Variants in MACROD2 observed in about 807,000 individuals in gnomAD.
The protein encoded by MACROD2 is mono-ADP ribosylhydrolase 2.
A neutral mutation model predicts 70.4 loss-of-function variants in MACROD2; 36 were observed. That is an observed-to-expected ratio of 0.51 (90% CI 0.39 to 0.68). The LOEUF is 0.68. Ranked by LOEUF, MACROD2 falls within the 30% of genes least tolerant of loss-of-function variation. The pLI, the probability that MACROD2 is intolerant of heterozygous loss-of-function variation, is 0.00. For missense variants in MACROD2, 496 were observed against 538.4 expected, an observed-to-expected ratio of 0.92 and a Z score of 0.78; for synonymous variants, 172 against 178.8, an observed-to-expected ratio of 0.96 and a Z score of 0.30.
At chr20:14,701,398 C>A (rs1223544064) in intron 5 of MACROD2, among the ~76,000 whole-genome samples, 1 of 152,148 alleles carries the variant, frequency 6.6e-6, no homozygotes, top group Non-Finnish European at 1.5e-5. Context: ...ATTTATACTT[C>A]TAAAAAAGGA....
intron 10 of MACROD2, among the ~76,000 whole-genome samples, chr20:15,920,205 C>T (rs1315371592): frequency 6.6e-6 from 1 of 152,132 alleles, no homozygotes; most frequent in Non-Finnish European, 1.5e-5. Context: ...GATCTGAAAT[C>T]ACAAAATATA....
intron 3 of MACROD2, among the ~76,000 whole-genome samples, chr20:14,271,887 G>A (rs1187819967): frequency 2.0e-5 from 3 of 152,220 alleles, no homozygotes; most frequent in Non-Finnish European, 2.9e-5. Context: ...TGGAAGAAAG[G>A]GTATCAGTGA....
intron 3 of MACROD2, among the ~76,000 whole-genome samples, chr20:14,148,371 T>A (rs2054968975): frequency 6.6e-6 from 1 of 152,212 alleles, no homozygotes; most frequent in Non-Finnish European, 1.5e-5. Context: ...TCTTACCATA[T>A]TTAATAAATT....
chr20:14,350,956 C>A (rs2083117686), intron 3 of MACROD2, among the ~76,000 whole-genome samples: 1 of 152,154 alleles, frequency 6.6e-6, no homozygotes, highest in Non-Finnish European at 1.5e-5. Flanking sequence ...AAGTTTAATT[C>A]TTTTGCATAT....
rs570898129 is a variant in MACROD2, at chr20:15,826,688, T to C, written c.646-36057T>C. 4.3e-4 allele frequency among the ~76,000 whole-genome samples: 66 copies of C among 152,334 alleles called. 1 individual carries two copies. The highest frequency in any genetic ancestry group is 1.5e-3 in the African/African-American group (64 of 41,590). ...TCACAAAGGTGTTTAGTATAATGCGTTATAAATTATATGAGTGCAAAATAT... is the reference window on the plus strand; with the variant it reads ...TCACAAAGGTGTTTAGTATAATGCGCTATAAATTATATGAGTGCAAAATAT... On this transcript the variant is annotated intron_variant, in intron 8 of 17. Transcript: ENST00000684519.
chr20:15,476,685 G>C (rs1184348397), intron 7 of MACROD2, among the ~76,000 whole-genome samples: 1 of 152,064 alleles, frequency 6.6e-6, no homozygotes, highest in Admixed American at 6.6e-5. Context: ...CATTCAATTG[G>C]ATTGCTGCAT....
At chr20:14,522,108 C>A (rs1421030255) in intron 4 of MACROD2, among the ~76,000 whole-genome samples, 2 of 152,188 alleles carry the variant, frequency 1.3e-5, no homozygotes, top group Non-Finnish European at 2.9e-5. Context: ...CTAATCCGAG[C>A]AGCTCTTCTT....
At chr20:15,882,015 T>TC (rs1238414302) in intron 9 of MACROD2, among the ~76,000 whole-genome samples, 1 of 152,120 alleles carries the variant, frequency 6.6e-6, no homozygotes, top group African/African-American at 2.4e-5. Context: ...TGACATATAA[T>TC]CCTAACCCTA....
rs182643536 is a variant in MACROD2 at position 15,106,628 on chromosome 20, C to T, written c.419-123312C>T. Among the ~76,000 whole-genome samples, 36 of 152,238 alleles carry T rather than the reference C, an allele frequency of 2.4e-4. 2 individuals carry two copies. The highest frequency in any genetic ancestry group is 1.4e-3 in the East Asian group (7 of 5,172). Reference sequence around the variant, plus strand: ...CTTCTCCCTTAAGATCCTCTCCTAGCGTGGAACAGCGTGGTATCTGCAGCC... The same window carrying T: ...CTTCTCCCTTAAGATCCTCTCCTAGTGTGGAACAGCGTGGTATCTGCAGCC... On this transcript the variant is annotated intron_variant, in intron 5 of 17. Transcript: ENST00000684519.
chr20:14,876,523 A>C (rs537227019), intron 5 of MACROD2, among the ~76,000 whole-genome samples: 2 of 152,240 alleles, frequency 1.3e-5, no homozygotes, highest in East Asian at 3.9e-4. Context: ...TTGAGGACTT[A>C]GTCATGAATT....
chr20:14,505,807 G>A (rs2084962967), intron 4 of MACROD2, among the ~76,000 whole-genome samples: 1 of 152,166 alleles, frequency 6.6e-6, no homozygotes, highest in Non-Finnish European at 1.5e-5. Context: ...TTAGGTTATG[G>A]CAGAGTGAGG....
intron 3 of MACROD2, among the ~76,000 whole-genome samples, chr20:14,123,321 G>A (rs2054607701): frequency 6.6e-6 from 1 of 152,102 alleles, no homozygotes; most frequent in African/African-American, 2.4e-5. Flanking sequence ...CACTCTCTCT[G>A]TATTTCTGGA....
intron 6 of MACROD2, among the ~76,000 whole-genome samples, chr20:15,253,631 T>C (rs2077174352): frequency 1.3e-5 from 2 of 152,154 alleles, no homozygotes; most frequent in Non-Finnish European, 2.9e-5. Context: ...TGGACACTCA[T>C]AACTATGGGT....
At position 15,262,342 on chromosome 20, in the gene MACROD2, C is replaced by G. The variant is rs553533277; in HGVS notation, c.540+32281C>G. 7.9e-5 allele frequency among the ~76,000 whole-genome samples: 12 copies of G among 152,070 alleles called. No homozygotes were observed. The South Asian group carries it at 2.5e-3, about 32-fold the overall frequency. ...GGCTTATTTCACTTAACACAATGAC[C>G]TTCAGTTCCATCCATGGTGTTGTAA... is the stretch of plus-strand genomic sequence containing the variant. On this transcript the variant is annotated intron_variant, in intron 6 of 17. Transcript: ENST00000684519.
intron 5 of MACROD2, among the ~76,000 whole-genome samples, chr20:15,225,322 G>C (rs1367832398): frequency 1.3e-5 from 2 of 151,902 alleles, no homozygotes; most frequent in African/African-American, 4.8e-5. Context: ...ATAAGGACAG[G>C]GTAAATGGGA....
intron 12 of MACROD2, among the ~76,000 whole-genome samples, chr20:15,955,377 T>C (rs1173859394): frequency 6.6e-6 from 1 of 152,148 alleles, no homozygotes; most frequent in African/African-American, 2.4e-5. Flanking sequence ...TGTTCAGGTG[T>C]AAGGTGGTTT....
intron 8 of MACROD2, among the ~76,000 whole-genome samples, chr20:15,801,075 T>C (rs2063720525): frequency 6.7e-6 from 1 of 149,148 alleles, no homozygotes; most frequent in Non-Finnish European, 1.5e-5. Flanking sequence ...GTCCTCTGCC[T>C]AGGAAAACCA....
At position 14,426,354 on chromosome 20, in the gene MACROD2, G is replaced by C. The variant is rs561696110; in HGVS notation, c.272-67125G>C. 3.7e-4 allele frequency among the ~76,000 whole-genome samples: 56 copies of C among 151,472 alleles called. 1 individual carries two copies. Among genetic ancestry groups the C allele is most frequent in the African/African-American group, 1.2e-3 (51 of 41,336 alleles). ...TCCTCTTTTTTTCCTTTTAGTAAAA[G>C]TATTTTGTTTTTATGTTATGGTTCT... is the stretch of plus-strand genomic sequence containing the variant. On this transcript the variant is annotated intron_variant, in intron 3 of 17. Transcript: ENST00000684519.
At position 15,021,124 on chromosome 20, in the gene MACROD2, G is replaced by GTGTGTATACACACACCTGTGTGTA. The variant is rs2075169401; in HGVS notation, c.419-208813_419-208812insGTATACACACACCTGTGTGTATGT. ...TATACACGTGTATGTGTATACACGT[G>GTGTGTATACACACACCTGTGTGTA]TGTATACACATACGTGTGTGTATAC... On this transcript the variant is annotated intron_variant, in intron 5 of 17. Transcript: ENST00000684519. Among the ~76,000 whole-genome samples the GTGTGTATACACACACCTGTGTGTA allele has an allele frequency of 6.0e-5, 6 of 99,908 alleles. 1 individual carries two copies. Among genetic ancestry groups the GTGTGTATACACACACCTGTGTGTA allele is most frequent in the African/African-American group, 1.7e-4 (4 of 24,092 alleles). 65.5% of individuals were successfully genotyped at this position (99,908 alleles called of 152,430 possible). A position where few individuals can be genotyped will look rare whatever the true frequency, so the allele number is the denominator to read the frequency against.
Sources: allele counts gnomAD v4.1 joint callset (sites outside exome capture counted in the v4.1 genomes callset), GRCh38; gene constraint gnomAD v4.1.1; transcripts MANE v1.5; gene names NCBI Gene and HGNC (gene_info 2026-07-23, HGNC 2026-07-21).